Variants in ATRNL1 observed in about 807,000 individuals in gnomAD.
The protein encoded by ATRNL1 is attractin like 1, also known as attractin-like protein 1.
In ATRNL1, 95 loss-of-function variants were observed where a neutral mutation model predicts 182.7. That is an observed-to-expected ratio of 0.52 (90% confidence interval 0.44 to 0.62). The LOEUF is 0.62. ATRNL1 is among the 20% of genes least tolerant of loss of function. ATRNL1 has a pLI of 0.00. For synonymous variants in ATRNL1, 576 were observed against 568.3 expected, an observed-to-expected ratio of 1.01 and a Z score of -0.19; for missense variants, 1,471 against 1,679.5, an observed-to-expected ratio of 0.88 and a Z score of 2.17.
chr10:115,810,150 A>G (rs920833277), intron 27 of ATRNL1, among the ~76,000 whole-genome samples: 24 of 151,946 alleles, frequency 1.6e-4, no homozygotes, highest in African/African-American at 5.3e-4. Flanking sequence ...CTCACTTGTC[A>G]TGACATATGT....
intron 17 of ATRNL1, among the ~76,000 whole-genome samples, chr10:115,306,458 T>G (rs1289210440): frequency 1.3e-5 from 2 of 152,162 alleles, no homozygotes; most frequent in East Asian, 3.8e-4. Context: ...TTGTTGGCAT[T>G]CTAAAATTTT....
intron 17 of ATRNL1, among the ~76,000 whole-genome samples, chr10:115,312,735 A>G (rs766067049): frequency 2.1e-4 from 32 of 152,126 alleles, no homozygotes; most frequent in Non-Finnish European, 4.0e-4. Flanking sequence ...TTACCTCAGG[A>G]ACACCAGTGA....
At position 115,548,530 on chromosome 10, in the gene ATRNL1, C is replaced by G. The variant is rs1403099702; in HGVS notation, c.3717-928C>G. ...AGGTCTGTTCACTTCTGGGTCTTCT[C>G]ATAGCATAATCTATGACCACAGAGC... On this transcript the variant is annotated intron_variant, in intron 25 of 28. Transcript: ENST00000355044. Among the ~76,000 whole-genome samples the G allele has an allele frequency of 3.9e-5, 6 of 152,094 alleles. No homozygotes were observed. In the East Asian group the frequency reaches 9.6e-4, roughly 24 times the overall value.
At chr10:115,542,555 T>C (rs1290401706) in intron 25 of ATRNL1, among the ~76,000 whole-genome samples, 1 of 152,090 alleles carries the variant, frequency 6.6e-6, no homozygotes, top group African/African-American at 2.4e-5. Context: ...TTCCTAAGAA[T>C]TAAAGAAGCC....
At chr10:115,748,155 T>G (rs1268346787) in intron 27 of ATRNL1, among the ~76,000 whole-genome samples, 2 of 151,946 alleles carry the variant, frequency 1.3e-5, no homozygotes, top group Non-Finnish European at 2.9e-5. Flanking sequence ...CTGTAAGTCA[T>G]GTAGAATGTA....
At chr10:115,221,281 A>G (rs1251605729) in intron 9 of ATRNL1, among the ~76,000 whole-genome samples, 1 of 152,144 alleles carries the variant, frequency 6.6e-6, no homozygotes, top group Non-Finnish European at 1.5e-5. Flanking sequence ...ATTATATTGT[A>G]TAGGATGTCA....
chr10:115,247,987 C>A (rs1002565895), intron 10 of ATRNL1, among the ~76,000 whole-genome samples: 8 of 151,982 alleles, frequency 5.3e-5, no homozygotes, highest in Middle Eastern at 6.8e-3. Flanking sequence ...TCATAGAAGA[C>A]AAAAATAGAA....
chr10:115,805,689 G>A (rs543655880), intron 27 of ATRNL1, among the ~76,000 whole-genome samples: 2 of 152,142 alleles, frequency 1.3e-5, no homozygotes, highest in East Asian at 1.9e-4. Context: ...TAGGGTTGGG[G>A]GTTATGGGGA....
At chr10:115,581,303 A>G (rs1191365137) in intron 26 of ATRNL1, among the ~76,000 whole-genome samples, 3 of 152,112 alleles carry the variant, frequency 2.0e-5, no homozygotes, top group Admixed American at 6.6e-5. Flanking sequence ...CAAGACAGAC[A>G]AGATAGAAGC....
chr10:115,367,778 G>A (rs1201756956), intron 19 of ATRNL1, among the ~76,000 whole-genome samples: 2 of 76,172 alleles, frequency 2.6e-5, no homozygotes, highest in Non-Finnish European at 6.6e-5. Flanking sequence ...ATACCCTGCT[G>A]TGTGAGGTGT....
At position 115,481,510 on chromosome 10, in the gene ATRNL1, T is replaced by G. The variant is rs1362152620; in HGVS notation, c.3654+12181T>G. Among the ~76,000 whole-genome samples the G allele has an allele frequency of 2.0e-5, 3 of 150,832 alleles. No individual in the cohort carries two copies. The East Asian group carries it at 5.8e-4, about 29-fold the overall frequency. ...TTATAAAATATTTTTATCTAAATTT[T>G]TATAAATGAACAAAATAACTTGTTG... On this transcript the variant is annotated intron_variant, in intron 24 of 28. Coordinates refer to ENST00000355044, the MANE Select transcript of ATRNL1 (RefSeq NM_207303.4).
intron 24 of ATRNL1, among the ~76,000 whole-genome samples, chr10:115,498,147 T>C (rs1849644153): frequency 6.6e-6 from 1 of 152,168 alleles, no homozygotes; most frequent in Non-Finnish European, 1.5e-5. Flanking sequence ...TACCCATGAC[T>C]TAAGAAAATA....
intron 19 of ATRNL1, among the ~76,000 whole-genome samples, chr10:115,387,918 A>G (rs1448204438): frequency 6.6e-6 from 1 of 152,190 alleles, no homozygotes; most frequent in Admixed American, 6.5e-5. Context: ...GATATATAGT[A>G]TCGTCATCAT....
chr10:115,364,059 G>A (rs1856893296), intron 19 of ATRNL1, among the ~76,000 whole-genome samples: 1 of 150,680 alleles, frequency 6.6e-6, no homozygotes, highest in African/African-American at 2.4e-5. Context: ...TGTGAAGAAA[G>A]TCATTGGTAG....
At chr10:115,609,167 T>C (rs368019922) in intron 26 of ATRNL1, among the ~76,000 whole-genome samples, 4 of 152,140 alleles carry the variant, frequency 2.6e-5, no homozygotes, top group African/African-American at 4.8e-5. Context: ...GTTAAAGATA[T>C]AATTGTAATA....
chr10:115,709,473 A>G (rs1164009368), intron 26 of ATRNL1, among the ~76,000 whole-genome samples: 4 of 151,956 alleles, frequency 2.6e-5, no homozygotes, highest in Non-Finnish European at 4.4e-5. Context: ...ACTTATTCCA[A>G]TATATCTGAA....
At chr10:115,119,499 A>G (rs1844635446) in intron 1 of ATRNL1, among the ~76,000 whole-genome samples, 1 of 152,038 alleles carries the variant, frequency 6.6e-6, no homozygotes, top group Non-Finnish European at 1.5e-5. Context: ...CTGGAAGTAA[A>G]AAAAACAAAA....
intron 1 of ATRNL1, among the ~76,000 whole-genome samples, chr10:115,113,668 T>C (rs1195382828): frequency 1.3e-5 from 2 of 152,220 alleles, no homozygotes; most frequent in Non-Finnish European, 2.9e-5. Flanking sequence ...CCTTCCACCA[T>C]GATTGTGCAT....
chr10:115,856,896 A>G (rs186143050), intron 28 of ATRNL1, among the ~76,000 whole-genome samples: 1 of 152,138 alleles, frequency 6.6e-6, no homozygotes, highest in East Asian at 1.9e-4. Flanking sequence ...GCTGTGAGGT[A>G]TATGCAGTTG....
Sources: gnomAD v4.1 joint callset for allele counts (sites outside exome capture counted in the v4.1 genomes callset) on GRCh38, gnomAD v4.1.1 for gene constraint, MANE v1.5 for transcripts, NCBI Gene and HGNC (gene_info 2026-07-23, HGNC 2026-07-21) for gene names.